Variants in NEK1 observed in about 807,000 individuals in gnomAD.
The protein encoded by NEK1 is NIMA related kinase 1, also known as serine/threonine-protein kinase Nek1.
A neutral mutation model predicts 182.1 loss-of-function variants in NEK1; 137 were observed. That is an observed-to-expected ratio of 0.75 (90% CI 0.65 to 0.87). The LOEUF (loss-of-function observed/expected upper bound fraction) is 0.87, where lower values mean the gene tolerates loss of function less well. Ranked by LOEUF, NEK1 falls within the 40% of genes least tolerant of loss-of-function variation. The pLI is 0.00. For missense variants in NEK1, 1,391 were observed against 1,494.4 expected (o/e 0.93, Z 1.14); for synonymous variants, 513 against 492.2 (o/e 1.04, Z -0.56).
chr4:169,416,242 T>G (rs1056448308), intron 31 of NEK1, among the ~76,000 whole-genome samples: 4 of 152,230 alleles, frequency 2.6e-5, no homozygotes, highest in African/African-American at 9.6e-5. Flanking sequence ...TTATCCACCA[T>G]GCGAACTTTT....
intron 23 of NEK1, among the ~76,000 whole-genome samples, chr4:169,501,390 C>T (rs1186484304): frequency 2.6e-5 from 4 of 152,184 alleles, no homozygotes; most frequent in Admixed American, 6.5e-5. Context: ...GGACACTTGA[C>T]CAGTTGGTCC....
At chr4:169,476,620 C>T (rs993716760) in intron 26 of NEK1, among the ~76,000 whole-genome samples, 1 of 151,996 alleles carries the variant, frequency 6.6e-6, no homozygotes, top group African/African-American at 2.4e-5. Flanking sequence ...ATGTAAGCTC[C>T]ACAAGAGCAC....
At chr4:169,607,664 C>T (rs1051711439) in intron 2 of NEK1, among the ~76,000 whole-genome samples, 2 of 152,066 alleles carry the variant, frequency 1.3e-5, no homozygotes, top group East Asian at 1.9e-4. Context: ...GGGGTTTCAC[C>T]GTGTTAGCCA....
intron 18 of NEK1, 72 bp from the exon 19 acceptor site, chr4:169,537,983 T>C (rs1178222666): frequency 9.0e-7 from 1 of 1,108,996 alleles, no homozygotes; most frequent in Non-Finnish European, 1.3e-6. Context: ...ATTACATTTA[T>C]CCTAAATTTT....
At chr4:169,479,275 T>C (rs549366109) in intron 24 of NEK1, 128 bp downstream of exon 24, 15 of 965,498 alleles carry the variant, frequency 1.6e-5, no homozygotes, top group African/African-American at 1.5e-4. Flanking sequence ...CTAAAATCCC[T>C]TAAAAAGTAA....
At chr4:169,542,664 T>C (rs910024334) in intron 18 of NEK1, among the ~76,000 whole-genome samples, 2 of 149,786 alleles carry the variant, frequency 1.3e-5, no homozygotes. Flanking sequence ...CCAGCATCTG[T>C]TCTTTCCTGA....
chr4:169,534,859 G>A (rs1220985737), intron 19 of NEK1, among the ~76,000 whole-genome samples: 5 of 152,086 alleles, frequency 3.3e-5, no homozygotes, highest in Non-Finnish European at 1.5e-5. Flanking sequence ...ACCCTAATTA[G>A]GGGAAAAAAT....
Position 169,537,836 on chromosome 4 carries a change from C to CG in NEK1, c.1637_1638insC (p.Gln546HisfsTer3). 6.2e-7 allele frequency: 1 copy of CG among 1,612,834 alleles called. No homozygotes were observed. Among genetic ancestry groups the CG allele is most frequent in the Non-Finnish European group, 8.5e-7 (1 of 1,179,236 alleles). On this transcript the variant is annotated frameshift_variant, in exon 19 of 36. Transcript: ENST00000507142. LOFTEE classifies it high-confidence loss of function. ...TATGTCCTTCGGCTCGAGCTTTATTCTGCATAGCTTCCCGTTTTCGCTGCA... is the reference window on the plus strand; with the variant it reads ...TATGTCCTTCGGCTCGAGCTTTATTCGTGCATAGCTTCCCGTTTTCGCTGCA...
intron 27 of NEK1, among the ~76,000 whole-genome samples, chr4:169,452,074 C>T (rs2149469778): frequency 6.6e-6 from 1 of 152,244 alleles, no homozygotes; most frequent in South Asian, 2.1e-4. Context: ...TACATAATTA[C>T]TACCTGGAGA....
intron 13 of NEK1, 86 bp from the exon 14 acceptor site, chr4:169,561,977 G>C: frequency 1.7e-6 from 2 of 1,201,920 alleles, no homozygotes; most frequent in Non-Finnish European, 2.3e-6. Flanking sequence ...CAATGGCAGA[G>C]GTATGTTCAA....
chr4:169,558,388 A>G (rs1307626109), intron 16 of NEK1, among the ~76,000 whole-genome samples: 1 of 152,244 alleles, frequency 6.6e-6, no homozygotes, highest in Non-Finnish European at 1.5e-5. Flanking sequence ...TACAATCAAA[A>G]GCATATCCAT....
chr4:169,427,779 A>AT (rs1736655576), intron 29 of NEK1, among the ~76,000 whole-genome samples: 1 of 152,048 alleles, frequency 6.6e-6, no homozygotes, highest in African/African-American at 2.4e-5. Context: ...TACAGGCATA[A>AT]GCCACCATGT....
At position 169,562,196 on chromosome 4, in the gene NEK1, C is replaced by A; in HGVS notation, c.1021G>T (p.Ala341Ser). The A allele has an allele frequency of 6.5e-7, 1 of 1,528,138 alleles. No individual in the cohort carries two copies. Among genetic ancestry groups the A allele is most frequent in the Non-Finnish European group, 8.8e-7 (1 of 1,136,118 alleles). The allele number at this position is 1,528,138 out of a possible 1,614,324, so 94.7% of individuals were successfully genotyped here. ...EKKPLQKHKQ[A>S]HQTPEKRVNT... ...ACTCTCTTCTCTGGAGTTTGATGGG[C>A]CTGGACAAAAAGTAAAACTACAAAT... Residue 341 changes from alanine to serine, a missense_variant and splice_region_variant, in exon 13 of 36, where the codon GCC becomes TCC. By Grantham distance (99) the Ala-to-Ser change is moderately conservative (BLOSUM62 1). Transcript: ENST00000507142.
intron 29 of NEK1, 88 bp from the exon 30 acceptor site, chr4:169,426,322 A>G: frequency 1.0e-6 from 1 of 980,462 alleles, no homozygotes; most frequent in East Asian, 2.6e-5. Flanking sequence ...ATGGAACACA[A>G]GTTCACTAGC....
In NEK1 at chr4:169,406,692, T is replaced by G. The variant is rs777136053; in HGVS notation, c.3278A>C (p.Asp1093Ala). The G allele has an allele frequency of 6.2e-7, 1 of 1,610,678 alleles. No individual in the cohort carries two copies. The highest frequency in any genetic ancestry group is 8.5e-7 in the Non-Finnish European group (1 of 1,178,258). Residue 1093 changes from aspartate (D) to alanine (A), a missense_variant, in exon 32 of 36, where the codon GAT (aspartate) becomes GCT (alanine). Around this residue, in one of 5 missense-constraint regions of NEK1, gnomAD observed 1,216 missense variants for 1,277.6 expected, o/e 0.95. Coordinates refer to ENST00000507142, the MANE Select transcript of NEK1 (RefSeq NM_001199397.3). ...DLSKLFRTLM[D>A]VPTVGDVRQD... ...ACGAACATCTCCTACGGTGGGAACA[T>G]CCATAAGGGTTCTGAACAGCTTTGA... is the stretch of plus-strand genomic sequence containing the variant.
At chr4:169,406,510 A>C in intron 32 of NEK1, 86 bp downstream of exon 32, 1 of 973,684 alleles carries the variant, frequency 1.0e-6, no homozygotes, top group South Asian at 2.1e-5. Context: ...TGAGTTAAAA[A>C]AAAGAGCTAG....
rs1209384336 is a variant in NEK1 at position 169,561,708 on chromosome 4, C to T, written c.1170G>A (p.Met390Ile). 3 of 1,570,094 alleles carry T rather than the reference C, an allele frequency of 1.9e-6. No individual in the cohort carries two copies. Among genetic ancestry groups the T allele is most frequent in the Non-Finnish European group, 2.6e-6 (3 of 1,156,162 alleles). Residue 390 changes from methionine to isoleucine, a missense_variant, in exon 15 of 36, where the codon ATG becomes ATA. Physicochemically the swap from Met to Ile is conservative, Grantham distance 10. Transcript: ENST00000507142. ...TTACCCTTTCCTTTTCTTGCCTTTT[C>T]ATTTGTTCAGCCTTCATTAAACTAA... Reference protein sequence around the residue: ...QIISLMKAEQMKRQEKERLER... With the variant: ...QIISLMKAEQIKRQEKERLER...
intron 31 of NEK1, among the ~76,000 whole-genome samples, chr4:169,421,321 C>A (rs983867887): frequency 6.6e-6 from 1 of 152,062 alleles, no homozygotes; most frequent in Non-Finnish European, 1.5e-5. Context: ...CATAAGAATG[C>A]TAAATTTTTA....
At chr4:169,548,237 G>A (rs1202266284) in intron 18 of NEK1, among the ~76,000 whole-genome samples, 1 of 152,206 alleles carries the variant, frequency 6.6e-6, no homozygotes, top group African/African-American at 2.4e-5. Flanking sequence ...CTGCAGGTCT[G>A]CTGGAATTTG....
Sources: gnomAD v4.1 joint callset for allele counts (sites outside exome capture counted in the v4.1 genomes callset) on GRCh38, gnomAD v4.1.1 for gene constraint, gnomAD v4.1.1 regional missense constraint, MANE v1.5 for transcripts, NCBI Gene and HGNC (gene_info 2026-07-23, HGNC 2026-07-21) for gene names.